KCNIP4: variants seen among roughly 807,000 people sequenced by gnomAD.
KCNIP4 encodes the protein Kv channel-interacting protein 4.
Under a neutral mutation model 34.0 loss-of-function variants are expected in KCNIP4, and 12 were observed. That is an observed-to-expected ratio of 0.35 (90% CI 0.23 to 0.57). The LOEUF is 0.57. Among genes scored for constraint, KCNIP4 ranks in the 20% least tolerant of loss-of-function variants. KCNIP4 has a pLI of 0.83. For synonymous variants in KCNIP4, 124 were observed against 102.2 expected (o/e 1.21, Z -1.29); for missense variants, 238 against 311.7 (o/e 0.76, Z 1.78).
intron 1 of KCNIP4, among the ~76,000 whole-genome samples, chr4:21,508,565 A>T (rs1427076635): frequency 6.6e-6 from 1 of 152,228 alleles, no homozygotes; most frequent in Non-Finnish European, 1.5e-5. Flanking sequence ...ATCTAATTAA[A>T]TATTCATCTT....
chr4:21,929,532 A>G (rs1729447042), intron 1 of KCNIP4, among the ~76,000 whole-genome samples: 1 of 152,112 alleles, frequency 6.6e-6, no homozygotes, highest in Non-Finnish European at 1.5e-5. Context: ...CTTTTACGCC[A>G]TCGTTCTCCA....
chr4:21,260,470 C>T (rs13128130), intron 1 of KCNIP4, among the ~76,000 whole-genome samples: 42,217 of 151,856 alleles, frequency 0.28, 6,174 homozygotes, highest in South Asian at 0.33. Context: ...ACGTAGTTTG[C>T]GAGAAAGGGA....
chr4:21,112,898 C>G (rs1474406769), intron 1 of KCNIP4, among the ~76,000 whole-genome samples: 1 of 151,930 alleles, frequency 6.6e-6, no homozygotes, highest in African/African-American at 2.4e-5. Context: ...AAAATCCAGT[C>G]TCATCCCACT....
chr4:20,991,511 A>G (rs537067706), intron 1 of KCNIP4, among the ~76,000 whole-genome samples: 3 of 152,298 alleles, frequency 2.0e-5, no homozygotes, highest in South Asian at 2.1e-4. Context: ...CTGAGGATAC[A>G]TAGATGAATG....
chr4:21,637,235 T>A (rs1423669003), intron 1 of KCNIP4, among the ~76,000 whole-genome samples: 1 of 152,174 alleles, frequency 6.6e-6, no homozygotes, highest in Non-Finnish European at 1.5e-5. Context: ...AGGTCGGGTA[T>A]CATTATTTTA....
At chr4:20,987,333 C>A (rs1398488148) in intron 1 of KCNIP4, among the ~76,000 whole-genome samples, 2 of 152,180 alleles carry the variant, frequency 1.3e-5, no homozygotes, top group African/African-American at 2.4e-5. Context: ...AACATCCTGG[C>A]TTTCTCCCTC....
intron 1 of KCNIP4, among the ~76,000 whole-genome samples, chr4:21,645,433 G>C (rs914838300): frequency 6.6e-6 from 1 of 152,120 alleles, no homozygotes; most frequent in African/African-American, 2.4e-5. Context: ...ACATCTGAAA[G>C]TCAAATTAGC....
intron 1 of KCNIP4, among the ~76,000 whole-genome samples, chr4:21,601,720 T>A (rs960760950): frequency 1.3e-5 from 2 of 152,060 alleles, no homozygotes; most frequent in Non-Finnish European, 2.9e-5. Flanking sequence ...CTCTTTCAAA[T>A]CACTCCAACC....
intron 1 of KCNIP4, among the ~76,000 whole-genome samples, chr4:21,308,027 G>C (rs947959426): frequency 6.6e-5 from 10 of 152,192 alleles, no homozygotes; most frequent in Non-Finnish European, 1.5e-4. Flanking sequence ...GAACACTGCA[G>C]TCTAAATAAG....
chr4:21,185,480 T>TC (rs1323875841), intron 1 of KCNIP4, among the ~76,000 whole-genome samples: 1 of 151,694 alleles, frequency 6.6e-6, no homozygotes, highest in African/African-American at 2.4e-5. Context: ...TTCCTCCTCC[T>TC]CCCCCTCCTC....
intron 1 of KCNIP4, among the ~76,000 whole-genome samples, chr4:21,026,735 G>A (rs1188463192): frequency 6.6e-6 from 1 of 152,118 alleles, no homozygotes; most frequent in Non-Finnish European, 1.5e-5. Flanking sequence ...AATCTGATTG[G>A]GATATAGCCT....
intron 1 of KCNIP4, among the ~76,000 whole-genome samples, chr4:21,268,035 T>C (rs527507536): frequency 1.1e-3 from 161 of 152,314 alleles, no homozygotes; most frequent in African/African-American, 3.6e-3. Flanking sequence ...GATCCTGTTA[T>C]TGGTCTATTC....
chr4:21,680,652 T>C (rs1750275240), intron 1 of KCNIP4, among the ~76,000 whole-genome samples: 1 of 152,248 alleles, frequency 6.6e-6, no homozygotes, highest in Non-Finnish European at 1.5e-5. Flanking sequence ...GGCTGCAGAA[T>C]GGATGTTGTG....
intron 1 of KCNIP4, among the ~76,000 whole-genome samples, chr4:21,596,213 C>A (rs1048725685): frequency 2.6e-5 from 4 of 152,048 alleles, no homozygotes; most frequent in Admixed American, 6.6e-5. Flanking sequence ...TATACTAATT[C>A]AACTAATATT....
At chr4:21,136,663 G>A (rs188262187) in intron 1 of KCNIP4, among the ~76,000 whole-genome samples, 19 of 152,184 alleles carry the variant, frequency 1.2e-4, no homozygotes, top group Admixed American at 1.2e-3. Flanking sequence ...TATATTAAGA[G>A]ACATGGCAGG....
rs1757427991 is a variant in KCNIP4, at chr4:21,214,462, T to C, written c.62-331753A>G. On this transcript the variant is annotated intron_variant, in intron 1 of 8. Coordinates refer to ENST00000382152, the MANE Select transcript of KCNIP4 (RefSeq NM_025221.6). Reference sequence around the variant, plus strand: ...AAATTCTGCCTTATGAAATTTCCTATTTTTACTACCTAAAATAAAGGTTTT... The same window carrying C: ...AAATTCTGCCTTATGAAATTTCCTACTTTTACTACCTAAAATAAAGGTTTT... Among the ~76,000 whole-genome samples the C allele has an allele frequency of 2.0e-5, 3 of 152,204 alleles. No homozygotes were observed. The South Asian group carries it at 6.2e-4, about 31-fold the overall frequency.
At chr4:21,380,704 G>A (rs1405259188) in intron 1 of KCNIP4, among the ~76,000 whole-genome samples, 1 of 151,924 alleles carries the variant, frequency 6.6e-6, no homozygotes, top group African/African-American at 2.4e-5. Context: ...TCATATTTTT[G>A]GCTATAGATT....
chr4:21,807,502 G>T (rs1721369612), intron 1 of KCNIP4, among the ~76,000 whole-genome samples: 1 of 152,112 alleles, frequency 6.6e-6, no homozygotes, highest in Non-Finnish European at 1.5e-5. Flanking sequence ...ATTAAATTAT[G>T]GTTACCTATA....
chr4:21,357,368 A>G (rs987901393), intron 1 of KCNIP4, among the ~76,000 whole-genome samples: 2 of 152,208 alleles, frequency 1.3e-5, no homozygotes, highest in African/African-American at 2.4e-5. Flanking sequence ...CTACCATCAG[A>G]GTGAAGAGGC....
Sources: allele counts gnomAD v4.1 joint callset (sites outside exome capture counted in the v4.1 genomes callset), GRCh38; gene constraint gnomAD v4.1.1; transcripts MANE v1.5; gene names NCBI Gene and HGNC (gene_info 2026-07-23, HGNC 2026-07-21).